Variants in GABRA2 observed in about 807,000 individuals in gnomAD.
GABRA2 encodes gamma-aminobutyric acid type A receptor subunit alpha2.
Under a neutral mutation model 48.7 loss-of-function variants are expected in GABRA2, and 16 were observed. That is an observed-to-expected ratio of 0.33 (90% CI 0.22 to 0.50). The LOEUF (loss-of-function observed/expected upper bound fraction) is 0.50. GABRA2 is among the 20% of genes least tolerant of loss of function. The pLI, the probability that GABRA2 is intolerant of heterozygous loss-of-function variation, is 0.98. For missense variants in GABRA2, 275 were observed against 535.6 expected, an observed-to-expected ratio of 0.51 and a Z score of 4.80; for synonymous variants, 185 against 184.5, an observed-to-expected ratio of 1.00 and a Z score of -0.02.
At chr4:46,342,735 A>G (rs1733488724) in intron 3 of GABRA2, among the ~76,000 whole-genome samples, 1 of 152,056 alleles carries the variant, frequency 6.6e-6, no homozygotes, top group Non-Finnish European at 1.5e-5. Flanking sequence ...AGCTCACTGC[A>G]GTCTCCAACT....
chr4:46,359,296 C>G (rs1712752467), intron 3 of GABRA2, among the ~76,000 whole-genome samples: 1 of 152,120 alleles, frequency 6.6e-6, no homozygotes, highest in Non-Finnish European at 1.5e-5. Flanking sequence ...GAAAATCACT[C>G]ACTCTAAATT....
intron 9 of GABRA2, among the ~76,000 whole-genome samples, chr4:46,260,447 T>G (rs1449815425): frequency 6.6e-6 from 1 of 151,888 alleles, no homozygotes; most frequent in African/African-American, 2.4e-5. Context: ...ACTTCTGTTT[T>G]CCAAAGTAAA....
chr4:46,256,049 T>C (rs1275494721), intron 9 of GABRA2: 2 of 412,560 alleles, frequency 4.8e-6, no homozygotes. Flanking sequence ...AAATCTATGC[T>C]TTTTCTACCA....
At chr4:46,301,084 C>T (rs1227957416) in intron 8 of GABRA2, among the ~76,000 whole-genome samples, 1 of 151,994 alleles carries the variant, frequency 6.6e-6, no homozygotes, top group African/African-American at 2.4e-5. Context: ...AATGTATTGT[C>T]TTCTTAAAAT....
chr4:46,386,268 T>A, intron 2 of GABRA2, 79 bp from the exon 3 acceptor site: 1 of 851,694 alleles, frequency 1.2e-6, no homozygotes, highest in Non-Finnish European at 1.8e-6. Context: ...TTCCTTAATT[T>A]AAATTTTAAC....
intron 8 of GABRA2, among the ~76,000 whole-genome samples, chr4:46,291,109 A>G (rs932644146): frequency 1.3e-5 from 2 of 152,168 alleles, no homozygotes; most frequent in Non-Finnish European, 2.9e-5. Context: ...TGAGTTAGGA[A>G]GTGTTCTTTA....
intron 3 of GABRA2, among the ~76,000 whole-genome samples, chr4:46,348,593 T>C (rs1252862092): frequency 1.7e-4 from 25 of 150,960 alleles, no homozygotes; most frequent in Non-Finnish European, 2.5e-4. Context: ...TACTATGCAG[T>C]CATAAAAAAT....
At chr4:46,264,253 A>T (rs962275289) in intron 8 of GABRA2, among the ~76,000 whole-genome samples, 1 of 152,046 alleles carries the variant, frequency 6.6e-6, no homozygotes, top group Non-Finnish European at 1.5e-5. Flanking sequence ...TTCTATAAAT[A>T]AGATCATGCA....
chr4:46,304,292 C>A (rs1726255476), intron 7 of GABRA2, among the ~76,000 whole-genome samples: 2 of 152,162 alleles, frequency 1.3e-5, no homozygotes, highest in African/African-American at 4.8e-5. Context: ...TTCTGGCCCA[C>A]ATTTTCCCAC....
At chr4:46,267,108 A>C (rs541590120) in intron 8 of GABRA2, among the ~76,000 whole-genome samples, 2 of 152,118 alleles carry the variant, frequency 1.3e-5, no homozygotes, top group South Asian at 4.2e-4. Context: ...GATGATGTAC[A>C]ACAGGTCTCA....
At chr4:46,261,504 C>A in intron 9 of GABRA2, 1 of 224,232 alleles carries the variant, frequency 4.5e-6, no homozygotes, top group South Asian at 8.9e-5. Context: ...GGTGTTAAAA[C>A]CATGAACTTA....
At chr4:46,276,898 C>T (rs1394595629) in intron 8 of GABRA2, among the ~76,000 whole-genome samples, 1 of 151,516 alleles carries the variant, frequency 6.6e-6, no homozygotes, top group East Asian at 1.9e-4. Context: ...TTATTTTTAC[C>T]ATCATTATTG....
intron 3 of GABRA2, among the ~76,000 whole-genome samples, chr4:46,356,373 T>G (rs182229915): frequency 6.7e-6 from 1 of 148,524 alleles, no homozygotes; most frequent in Non-Finnish European, 1.5e-5. Flanking sequence ...CTGCAGTCTC[T>G]CCACACCCCT....
chr4:46,265,497 T>TAATATACATACA (rs1378151276), intron 8 of GABRA2, among the ~76,000 whole-genome samples: 2 of 143,686 alleles, frequency 1.4e-5, no homozygotes, highest in African/African-American at 5.3e-5. Context: ...TATATATATA[T>TAATATACATACA]ATATATGTTT....
At chr4:46,326,793 C>T (rs1730463789) in intron 4 of GABRA2, among the ~76,000 whole-genome samples, 1 of 151,916 alleles carries the variant, frequency 6.6e-6, no homozygotes, top group South Asian at 2.1e-4. Flanking sequence ...ATGCCTGCTA[C>T]CTAGACATCT....
At chr4:46,270,261 C>A (rs1267663645) in intron 8 of GABRA2, among the ~76,000 whole-genome samples, 1 of 151,990 alleles carries the variant, frequency 6.6e-6, no homozygotes, top group South Asian at 2.1e-4. Context: ...GCTCCTCCTT[C>A]CTTCCTGTCT....
chr4:46,343,409 C>T (rs1733625030), intron 3 of GABRA2, among the ~76,000 whole-genome samples: 1 of 151,742 alleles, frequency 6.6e-6, no homozygotes, highest in Admixed American at 6.6e-5. Context: ...AATTATATAC[C>T]AGTGATATAA....
intron 3 of GABRA2, among the ~76,000 whole-genome samples, chr4:46,339,836 G>A (rs1183651396): frequency 6.6e-6 from 1 of 151,572 alleles, no homozygotes; most frequent in Non-Finnish European, 1.5e-5. Context: ...ATTTCATGTA[G>A]TCAAGGACTT....
At chr4:46,359,733 C>T (rs1052349059) in intron 3 of GABRA2, among the ~76,000 whole-genome samples, 17 of 151,938 alleles carry the variant, frequency 1.1e-4, no homozygotes, top group South Asian at 4.2e-4. Context: ...CTGGCTAACA[C>T]GGTGAAACCC....
Sources: allele counts gnomAD v4.1 joint callset (sites outside exome capture counted in the v4.1 genomes callset), GRCh38; gene constraint gnomAD v4.1.1; transcripts MANE v1.5; gene names NCBI Gene and HGNC (gene_info 2026-07-23, HGNC 2026-07-21).